The following MED13L variants were observed in gnomAD, a reference collection of about 807,000 sequenced individuals.
The protein encoded by MED13L is mediator of RNA polymerase II transcription subunit 13-like.
MED13L carries 7 observed loss-of-function variants against 220.9 expected under a neutral mutation model. That is an observed-to-expected ratio of 0.03 (90% CI 0.02 to 0.06). The LOEUF (loss-of-function observed/expected upper bound fraction) is 0.06. MED13L is among the 10% of genes least tolerant of loss of function. The pLI is 1.00. For missense variants in MED13L, 1,965 were observed against 2,760.5 expected (o/e 0.71, Z 6.46); for synonymous variants, 1,011 against 1,015.2 (o/e 1.00, Z 0.08).
rs372997737 is a variant in MED13L at position 116,011,289 on chromosome 12, G to A, written c.1280+1508C>T. 6.6e-5 allele frequency among the ~76,000 whole-genome samples: 10 copies of A among 151,854 alleles called. No individual in the cohort carries two copies. In the South Asian group the frequency reaches 1.2e-3, roughly 19 times the overall value. On this transcript the variant is annotated intron_variant, in intron 9 of 30. Coordinates refer to ENST00000281928, the MANE Select transcript of MED13L (RefSeq NM_015335.5). ...GGAATGGTGCCTTGGTATGCATATG[G>A]TTATAAAAAAAAGACCTGAAGATAT...
chr12:116,019,397 A>G lies in MED13L; in HGVS notation c.836T>C (p.Val279Ala). The change falls in exon 7 of 31, where the codon GTT becomes GCT. Residue 279 changes from valine (V) to alanine (A), a missense_variant. Physicochemically the swap from Val to Ala is moderately conservative, Grantham distance 64 (BLOSUM62 0). Around this residue, in one of 10 missense-constraint regions of MED13L, gnomAD observed 818 missense variants for 1,041.2 expected, o/e 0.79. Transcript: ENST00000281928. ...VEVIVGGVRM[V>A]YPSAFVLISQ... The stretch of plus-strand genomic sequence containing the variant: ...GATCAAAACAAATGCTGAAGGGTAA[A>G]CCATCCGAACACCACCTATAAGCAA... The G allele has an allele frequency of 6.2e-7, 1 of 1,613,968 alleles. No individual in the cohort carries two copies. The highest frequency in any genetic ancestry group is 8.5e-7 in the Non-Finnish European group (1 of 1,179,892).
At chr12:116,168,505 T>C (rs1176927935) in intron 2 of MED13L, among the ~76,000 whole-genome samples, 3 of 152,182 alleles carry the variant, frequency 2.0e-5, no homozygotes, top group African/African-American at 4.8e-5. Flanking sequence ...CCTCTGATCC[T>C]GTGTTCACCT....
In MED13L at chr12:115,963,020, C is replaced by T. The variant is rs560016579; in HGVS notation, c.6500+387G>A. ...TGGGTGACAGAGCGAGACTCCATCT[C>T]GAATAAACAAACAAAAATACATAAT... On this transcript the variant is annotated intron_variant, in intron 30 of 30. Transcript: ENST00000281928. 1.1e-3 allele frequency among the ~76,000 whole-genome samples: 168 copies of T among 152,194 alleles called. 1 individual carries two copies. In the Middle Eastern group the frequency reaches 0.017, roughly 15 times the overall value.
chr12:115,990,932 T>C (rs1878016434), intron 17 of MED13L, 88 bp downstream of exon 17: 13 of 1,423,846 alleles, frequency 9.1e-6, no homozygotes, highest in Non-Finnish European at 1.2e-5. Context: ...GAAATTAAAA[T>C]TTTTTGTCAA....
At chr12:116,255,212 G>T (rs1871930842) in intron 1 of MED13L, among the ~76,000 whole-genome samples, 1 of 152,060 alleles carries the variant, frequency 6.6e-6, no homozygotes, top group Admixed American at 6.6e-5. Context: ...ACTGAATATA[G>T]AACCCAGAAA....
chr12:115,978,388 G>T (rs1365625464), intron 23 of MED13L, among the ~76,000 whole-genome samples: 1 of 148,924 alleles, frequency 6.7e-6, no homozygotes, highest in African/African-American at 2.5e-5. Flanking sequence ...GTGCAGTGGC[G>T]TGATCTTGGC....
At position 115,972,182 on chromosome 12, in the gene MED13L, T is replaced by C. The variant is rs778949119; in HGVS notation, c.5786A>G (p.Lys1929Arg). 2 of 1,614,038 alleles carry C rather than the reference T, an allele frequency of 1.2e-6. No homozygotes were observed. The highest frequency in any genetic ancestry group is 1.7e-6 in the Non-Finnish European group (2 of 1,179,922). ...GATTCCACACATCCGGCACACATCCTTGAGCTTTTTGCTGATTGTCTGTAG... is the reference window on the plus strand; with the variant it reads ...GATTCCACACATCCGGCACACATCCCTGAGCTTTTTGCTGATTGTCTGTAG... Reference protein sequence around the residue: ...CSLQTISKKLKDVCRMCGISA... With the variant: ...CSLQTISKKLRDVCRMCGISA... Residue 1929 changes from lysine (K) to arginine (R), a missense_variant, in exon 26 of 31, where the codon AAG becomes AGG. This residue lies in a region of MED13L where 23 missense variants were observed against 67.1 expected (regional missense o/e 0.34). Coordinates refer to ENST00000281928, the MANE Select transcript of MED13L (RefSeq NM_015335.5).
At chr12:116,104,716 T>G (rs1873401006) in intron 3 of MED13L, among the ~76,000 whole-genome samples, 1 of 152,220 alleles carries the variant, frequency 6.6e-6, no homozygotes, top group Admixed American at 6.5e-5. Flanking sequence ...TTCTCTTGTA[T>G]GCAAAGCAAT....
In MED13L at chr12:116,277,253, G is replaced by A. The variant is rs1021741651; in HGVS notation, c.-122C>T. The A allele has an allele frequency of 3.5e-5, 11 of 316,784 alleles. No individual in the cohort carries two copies. Among genetic ancestry groups the A allele is most frequent in the Non-Finnish European group, 4.9e-5 (11 of 222,460 alleles). 19.6% of individuals were successfully genotyped at this position (316,784 alleles called of 1,614,324 possible). On this transcript the variant is annotated 5_prime_UTR_variant, in exon 1 of 31. Transcript: ENST00000281928. Reference sequence around the variant, plus strand: ...GGGCGGCCGGGCCGCCGCCGCCGCCGGGGGAGGGCGCGAGGGCCGGCGGGC... The same window carrying A: ...GGGCGGCCGGGCCGCCGCCGCCGCCAGGGGAGGGCGCGAGGGCCGGCGGGC...
In MED13L at chr12:115,961,100, G is replaced by A. The variant is rs1592888235; in HGVS notation, c.*166C>T. The A allele has an allele frequency of 3.2e-5, 29 of 915,570 alleles. No homozygotes were observed. The highest frequency in any genetic ancestry group is 3.0e-4 in the South Asian group (20 of 66,878). The allele number at this position is 915,570 out of a possible 1,614,324, so 56.7% of individuals were successfully genotyped here. A position where few individuals can be genotyped will look rare whatever the true frequency, so the allele number is the denominator to read the frequency against. On this transcript the variant is annotated 3_prime_UTR_variant, in exon 31 of 31. Transcript: ENST00000281928. ...AGTGTCAAGGAGTCACTCTGGTAAT[G>A]AACACTGCAGAATTGACATGTGCCT...
chr12:116,246,664 G>A (rs530054902), intron 1 of MED13L, among the ~76,000 whole-genome samples: 2 of 145,022 alleles, frequency 1.4e-5, no homozygotes, highest in Admixed American at 1.4e-4. Flanking sequence ...GACAGACACA[G>A]CTGAAGCATT....
chr12:116,276,978 A>G, intron 1 of MED13L, 82 bp downstream of exon 1: 1 of 1,421,018 alleles, frequency 7.0e-7, no homozygotes, highest in Non-Finnish European at 9.7e-7. Flanking sequence ...CGGCGGCGGG[A>G]GGAGAAAGTT....
chr12:116,261,814 C>T (rs1565955577), intron 1 of MED13L, among the ~76,000 whole-genome samples: 1 of 152,172 alleles, frequency 6.6e-6, no homozygotes. Flanking sequence ...TCACCAAAGC[C>T]TGTCAACTCT....
chr12:115,983,314 C>G lies in MED13L; in HGVS notation c.4758G>C (p.Pro1586=), dbSNP rs141818426. ...SSSASGSSVP[P]VSSSASAPGI... is the part of the protein sequence containing the mutation. Reference sequence around the variant, plus strand: ...CAGGAGCAGAGGCAGACGATGAGACCGGTGGCACAGAGGAACCAGATGCAG... The same window carrying G: ...CAGGAGCAGAGGCAGACGATGAGACGGGTGGCACAGAGGAACCAGATGCAG... Residue 1586 remains proline, a synonymous_variant, in exon 21 of 31, where the codon CCG becomes CCC. Coordinates refer to ENST00000281928, the MANE Select transcript of MED13L (RefSeq NM_015335.5). 6.2e-7 allele frequency: 1 copy of G among 1,614,116 alleles called. No individual in the cohort carries two copies. The highest frequency in any genetic ancestry group is 8.5e-7 in the Non-Finnish European group (1 of 1,180,030).
chr12:116,151,578 A>G (rs925114004), intron 2 of MED13L, among the ~76,000 whole-genome samples: 2 of 152,216 alleles, frequency 1.3e-5, no homozygotes, highest in Non-Finnish European at 2.9e-5. Flanking sequence ...AGTGGTTGAA[A>G]CTGAGCAATA....
At chr12:116,161,302 A>C (rs546631379) in intron 2 of MED13L, among the ~76,000 whole-genome samples, 3 of 152,260 alleles carry the variant, frequency 2.0e-5, no homozygotes, top group African/African-American at 7.2e-5. Context: ...CTCCCACAGC[A>C]GCTCCTGAAA....
At chr12:116,142,616 T>C (rs1392108884) in intron 2 of MED13L, among the ~76,000 whole-genome samples, 1 of 151,774 alleles carries the variant, frequency 6.6e-6, no homozygotes, top group Non-Finnish European at 1.5e-5. Flanking sequence ...TGAACCGGGG[T>C]GGCAGAGGTT....
chr12:116,184,593 T>A (rs192349798), intron 2 of MED13L, among the ~76,000 whole-genome samples: 1 of 152,200 alleles, frequency 6.6e-6, no homozygotes, highest in African/African-American at 2.4e-5. Flanking sequence ...ATAAATCATT[T>A]ATCCAACCTA....
Position 115,989,819 on chromosome 12 carries a change from G to A in MED13L, c.3934+1201C>T, listed in dbSNP as rs139608600. 2.1e-4 allele frequency among the ~76,000 whole-genome samples: 32 copies of A among 152,160 alleles called. No homozygotes were observed. In the East Asian group the frequency reaches 5.2e-3, roughly 25 times the overall value. Reference sequence around the variant, plus strand: ...ATTTCTTCTCCACCTTCTTCACAAGGACACTAAGGCAAGCTATTGTTTCTT... The same window carrying A: ...ATTTCTTCTCCACCTTCTTCACAAGAACACTAAGGCAAGCTATTGTTTCTT... On this transcript the variant is annotated intron_variant, in intron 17 of 30. Transcript: ENST00000281928.
Sources: allele counts gnomAD v4.1 joint callset (sites outside exome capture counted in the v4.1 genomes callset), GRCh38; gene constraint gnomAD v4.1.1; regional missense constraint gnomAD v4.1.1; transcripts MANE v1.5; gene names NCBI Gene and HGNC (gene_info 2026-07-23, HGNC 2026-07-21).